CSMD3: variants seen among roughly 807,000 people sequenced by gnomAD.
CSMD3 encodes CUB and sushi domain-containing protein 3.
CSMD3 carries 177 observed loss-of-function variants against 435.2 expected under a neutral mutation model. That is an observed-to-expected ratio of 0.41 (90% CI 0.36 to 0.46). CSMD3 has a LOEUF of 0.46. Among genes scored for constraint, CSMD3 ranks in the 20% least tolerant of loss-of-function variants. The pLI is 0.34. For missense variants in CSMD3, 4,265 were observed against 4,504.6 expected, an observed-to-expected ratio of 0.95 and a Z score of 1.52; for synonymous variants, 1,656 against 1,520.5, an observed-to-expected ratio of 1.09 and a Z score of -2.07.
At chr8:113,389,279 T>C (rs12678354) in intron 1 of CSMD3, among the ~76,000 whole-genome samples, 107,926 of 151,324 alleles carry the variant, frequency 0.71, 38,741 homozygotes, top group East Asian at 0.94. Flanking sequence ...TTATCCTCTT[T>C]ATGTTCTTCC....
At chr8:112,703,657 T>A (rs987037731) in intron 13 of CSMD3, among the ~76,000 whole-genome samples, 1 of 152,154 alleles carries the variant, frequency 6.6e-6, no homozygotes, top group Non-Finnish European at 1.5e-5. Flanking sequence ...AAGAGAGTGA[T>A]CTGTAAAACT....
intron 60 of CSMD3, among the ~76,000 whole-genome samples, chr8:112,264,448 T>C (rs530653174): frequency 4.9e-4 from 74 of 152,092 alleles, no homozygotes; most frequent in South Asian, 6.2e-4. Flanking sequence ...TGAGGAAGGG[T>C]ATCAACTTCA....
intron 3 of CSMD3, among the ~76,000 whole-genome samples, chr8:113,181,405 GA>G (rs1026490826): frequency 2.0e-5 from 3 of 151,972 alleles, no homozygotes; most frequent in Non-Finnish European, 2.9e-5. Flanking sequence ...TGGCACTACA[GA>G]AAAATATTTC....
intron 6 of CSMD3, among the ~76,000 whole-genome samples, chr8:112,981,089 A>C (rs1210319517): frequency 6.6e-6 from 1 of 151,522 alleles, no homozygotes; most frequent in African/African-American, 2.4e-5. Flanking sequence ...TGATCTTATA[A>C]AATTTGATTT....
At chr8:113,190,433 AGCACAGAAT>A (rs1195357381) in intron 3 of CSMD3, among the ~76,000 whole-genome samples, 1 of 151,860 alleles carries the variant, frequency 6.6e-6, no homozygotes, top group Non-Finnish European at 1.5e-5. Flanking sequence ...ATGACCTTGA[AGCACAGAAT>A]GCATGGAGAG....
chr8:112,847,623 A>G (rs1046747551), intron 11 of CSMD3, among the ~76,000 whole-genome samples: 3 of 152,146 alleles, frequency 2.0e-5, no homozygotes, highest in South Asian at 2.1e-4. Flanking sequence ...GAAGACAGCT[A>G]TAGTCTGCAG....
At chr8:112,616,980 A>C (rs978569779) in intron 22 of CSMD3, among the ~76,000 whole-genome samples, 1 of 152,168 alleles carries the variant, frequency 6.6e-6, no homozygotes, top group African/African-American at 2.4e-5. Flanking sequence ...GCAATTCCAC[A>C]TTAGGCTGCT....
chr8:113,098,302 A>G (rs1482104798), intron 5 of CSMD3, among the ~76,000 whole-genome samples: 1 of 152,070 alleles, frequency 6.6e-6, no homozygotes, highest in East Asian at 1.9e-4. Context: ...ATTATGTCTT[A>G]AAAGCATGTT....
intron 13 of CSMD3, among the ~76,000 whole-genome samples, chr8:112,747,208 TTTTTTTTTTTTTG>T (rs2077450698): frequency 3.1e-5 from 4 of 127,838 alleles, no homozygotes; most frequent in East Asian, 4.8e-4. Context: ...TTTTTTTTTT[TTTTTTTTTTTTTG>T]GTGTTGCTTC....
Position 112,314,547 on chromosome 8 carries a change from A to G in CSMD3, c.7431T>C (p.Ser2477=), listed in dbSNP as rs762389168. Residue 2477 remains serine, a synonymous_variant, in exon 48 of 71, where the codon AGT becomes AGC. Transcript: ENST00000297405. ...ATGCACACATTTGAAGATTTGGGTA[A>G]CTGTCAGGATATCCAGGGCTCAATA... ...GVILSPGYPD[S]YPNLQMCAWS... 3 of 1,611,840 alleles carry G rather than the reference A, an allele frequency of 1.9e-6. No homozygotes were observed. The highest frequency in any genetic ancestry group is 1.1e-5 in the South Asian group (1 of 91,036).
chr8:112,914,824 T>A (rs2082528645), intron 10 of CSMD3, among the ~76,000 whole-genome samples: 1 of 151,876 alleles, frequency 6.6e-6, no homozygotes, highest in South Asian at 2.1e-4. Context: ...GTGATCACTT[T>A]TATCTATAAA....
chr8:112,876,099 G>A (rs185778556), intron 10 of CSMD3, among the ~76,000 whole-genome samples: 45 of 151,960 alleles, frequency 3.0e-4, no homozygotes, highest in African/African-American at 1.1e-3. Flanking sequence ...ATGGGTTCCT[G>A]GGCACATACA....
At chr8:112,543,760 C>T (rs923439804) in intron 27 of CSMD3, among the ~76,000 whole-genome samples, 5 of 152,014 alleles carry the variant, frequency 3.3e-5, no homozygotes, top group Admixed American at 6.6e-5. Context: ...ATGAGGATCT[C>T]GAGGAGGTAT....
chr8:112,897,881 A>C (rs1425081428), intron 10 of CSMD3, among the ~76,000 whole-genome samples: 1 of 151,232 alleles, frequency 6.6e-6, no homozygotes, highest in Non-Finnish European at 1.5e-5. Flanking sequence ...TTTTGTTATA[A>C]TCTAACCTTC....
chr8:113,369,825 TTCTC>T (rs1445109793), intron 1 of CSMD3, among the ~76,000 whole-genome samples: 2 of 151,852 alleles, frequency 1.3e-5, no homozygotes, highest in African/African-American at 2.4e-5. Context: ...AAATACAACA[TTCTC>T]TCTCTCACAT....
chr8:112,706,653 G>A (rs1199539560), intron 13 of CSMD3, among the ~76,000 whole-genome samples: 1 of 151,994 alleles, frequency 6.6e-6, no homozygotes, highest in Non-Finnish European at 1.5e-5. Context: ...GGTAAGACAC[G>A]AGACTAGAGA....
At chr8:112,267,133 T>A (rs1817028049) in intron 59 of CSMD3, among the ~76,000 whole-genome samples, 1 of 152,142 alleles carries the variant, frequency 6.6e-6, no homozygotes, top group Admixed American at 6.6e-5. Context: ...TTAGTTACAT[T>A]GTATTTATTA....
At position 112,406,635 on chromosome 8, in the gene CSMD3, C is replaced by T. The variant is rs1831884473; in HGVS notation, c.5698G>A (p.Val1900Ile). ...TATCCTGGATTACAATCAAAAAGAA[C>T]CGATGAACCGACTGCAAATTCATTG... The part of the protein sequence containing the change: ...IGNEFAVGSS[V>I]LFDCNPGYIL... Residue 1900 changes from valine to isoleucine, a missense_variant, in exon 35 of 71, where the codon GTT (valine) becomes ATT (isoleucine). By Grantham distance (29) the Val-to-Ile change is conservative. Coordinates refer to ENST00000297405, the MANE Select transcript of CSMD3 (RefSeq NM_198123.2). 1.2e-6 allele frequency: 2 copies of T among 1,612,648 alleles called. No homozygotes were observed. The highest frequency in any genetic ancestry group is 8.5e-7 in the Non-Finnish European group (1 of 1,178,944).
At chr8:113,233,797 T>A (rs923946173) in intron 3 of CSMD3, among the ~76,000 whole-genome samples, 1 of 152,066 alleles carries the variant, frequency 6.6e-6, no homozygotes, top group East Asian at 1.9e-4. Context: ...ATAAGCATAA[T>A]TTTTTACTAA....
Sources: gnomAD v4.1 joint callset for allele counts (sites outside exome capture counted in the v4.1 genomes callset) on GRCh38, gnomAD v4.1.1 for gene constraint, MANE v1.5 for transcripts, NCBI Gene and HGNC (gene_info 2026-07-23, HGNC 2026-07-21) for gene names.